BRME1: variants seen among roughly 807,000 people sequenced by gnomAD.
The protein encoded by BRME1 is break repair meiotic recombinase recruitment factor 1, also known as BRCA2 and MEILB2-associating protein 1.
Under a neutral mutation model 52.6 loss-of-function variants are expected in BRME1, and 31 were observed. That is an observed-to-expected ratio of 0.59 (90% confidence interval 0.44 to 0.80). The LOEUF (loss-of-function observed/expected upper bound fraction) is 0.80, where lower values mean the gene tolerates loss of function less well. Ranked by LOEUF, BRME1 falls within the 30% of genes least tolerant of loss-of-function variation. BRME1 has a pLI of 0.00. For missense variants in BRME1, 804 were observed against 860.3 expected (o/e 0.93, Z 0.82); for synonymous variants, 359 against 353.6 (o/e 1.02, Z -0.17).
At chr19:13,899,184 T>C (rs546675736) in intron 2 of BRME1, among the ~76,000 whole-genome samples, 1 of 149,804 alleles carries the variant, frequency 6.7e-6, no homozygotes, top group East Asian at 2.0e-4. Context: ...ACTCTCGCTC[T>C]GTTGCCCAGG....
At position 13,882,582 on chromosome 19, in the gene BRME1, GAC is replaced by G. The variant is rs1968707857; in HGVS notation, c.*218_*219del. The G allele has an allele frequency of 2.0e-5, 12 of 591,352 alleles. No homozygotes were observed. Among genetic ancestry groups the G allele is most frequent in the South Asian group, 9.2e-5 (4 of 43,690 alleles). The allele number at this position is 591,352 out of a possible 1,614,324, so 36.6% of individuals were successfully genotyped here. The stretch of plus-strand genomic sequence containing the variant: ...GCTTGAAGTCACTGGGGCTGTGGGA[GAC>G]ACAGTTTCCCTCCCTGAAGCCAAGG... On this transcript the variant is annotated 3_prime_UTR_variant, in exon 9 of 9. Transcript: ENST00000586783.
At position 13,883,242 on chromosome 19, in the gene BRME1, C is replaced by G. The variant is rs1428536836; in HGVS notation, c.1856+66G>C. The G allele has an allele frequency of 1.4e-6, 2 of 1,406,078 alleles. No homozygotes were observed. The highest frequency in any genetic ancestry group is 9.7e-7 in the Non-Finnish European group (1 of 1,032,788). 87.1% of individuals were successfully genotyped at this position (1,406,078 alleles called of 1,614,324 possible). A position where few individuals can be genotyped will look rare whatever the true frequency, so the allele number is the denominator to read the frequency against. ...AGGGGCTTCACACTTCAGTCCCTCC[C>G]TGCTCCTCTGAGTCCCCACTGGCCT... On this transcript the variant is annotated intron_variant, in intron 8 of 8. Coordinates refer to ENST00000586783, the MANE Select transcript of BRME1 (RefSeq NM_001345843.2). This position sits in a 1 kb window ranked among gnomAD's most constrained non-coding sequence, Gnocchi z 4.2.
At chr19:13,895,084 G>A (rs560242335) in intron 3 of BRME1, among the ~76,000 whole-genome samples, 1 of 152,056 alleles carries the variant, frequency 6.6e-6, no homozygotes, top group East Asian at 1.9e-4. Flanking sequence ...TTGCAGTGTT[G>A]GCCAGTCTTG....
At position 13,888,701 on chromosome 19, in the gene BRME1, T is replaced by C. The variant is rs1176239420; in HGVS notation, c.1668+487A>G. Among the ~76,000 whole-genome samples the C allele has an allele frequency of 6.6e-6, 1 of 152,148 alleles. No individual in the cohort carries two copies. Among genetic ancestry groups the C allele is most frequent in the Non-Finnish European group, 1.5e-5 (1 of 68,006 alleles). ...CTTATGTATGTTTGGAAAAGAATCA[T>C]ATCAGGACCCCCAGAGGACCCTAAG... On this transcript the variant is annotated intron_variant, in intron 6 of 8. Transcript: ENST00000586783. This position sits in a 1 kb window ranked among gnomAD's most constrained non-coding sequence, Gnocchi z 4.1.
intron 6 of BRME1, among the ~76,000 whole-genome samples, chr19:13,887,500 C>T (rs577151053): frequency 9.2e-5 from 14 of 152,260 alleles, no homozygotes; most frequent in African/African-American, 2.6e-4. Context: ...TTTGGCAGCC[C>T]GTTTAGGAGG....
rs567634280 is a variant in BRME1 at position 13,890,514 on chromosome 19, G to T, written c.394-52C>A. On this transcript the variant is annotated intron_variant, in intron 5 of 8. Transcript: ENST00000586783. The stretch of plus-strand genomic sequence containing the variant: ...GGGGCCTTTGATAACCAAGTTCTCC[G>T]AAGAGTTTTCTATTAGGTTGGTGTA... 5 of 1,426,760 alleles carry T rather than the reference G, an allele frequency of 3.5e-6. No homozygotes were observed. In the African/African-American group the frequency reaches 7.2e-5, roughly 21 times the overall value. The allele number at this position is 1,426,760 out of a possible 1,614,324, so 88.4% of individuals were successfully genotyped here.
rs374015468 is a variant in BRME1 at position 13,892,415 on chromosome 19, G to A, written c.393+371C>T. Among the ~76,000 whole-genome samples the A allele has an allele frequency of 2.6e-4, 39 of 152,022 alleles. No homozygotes were observed. The East Asian group carries it at 4.6e-3, about 18-fold the overall frequency. On this transcript the variant is annotated intron_variant, in intron 5 of 8. Transcript: ENST00000586783. ...AGGCTGGCCAACATGGTAAAACCCCGTCTCTACTAAAAATACAAAAATTAG... is the reference window on the plus strand; with the variant it reads ...AGGCTGGCCAACATGGTAAAACCCCATCTCTACTAAAAATACAAAAATTAG...
At position 13,892,870 on chromosome 19, in the gene BRME1, A is replaced by G. The variant is rs1194198023; in HGVS notation, c.309T>C (p.Val103=). Residue 103 remains valine, a synonymous_variant, in exon 5 of 9, where the codon GTT becomes GTC. Coordinates refer to ENST00000586783, the MANE Select transcript of BRME1 (RefSeq NM_001345843.2). The stretch of plus-strand genomic sequence containing the variant: ...TCTTCCTGGATTTTGCAAACTGGGG[A>G]ACAAACCTCCCGAATGAGTTCTGTA... ...PPSQNSFGRF[V]PQFAKSRKTV... is the part of the protein sequence containing the mutation. 1.2e-6 allele frequency: 2 copies of G among 1,613,872 alleles called. No individual in the cohort carries two copies.
chr19:13,893,186 G>A lies in BRME1; in HGVS notation c.244C>T (p.Leu82Phe), dbSNP rs1276541097. The change falls in exon 4 of 9, where the codon CTC becomes TTC. Residue 82 changes from leucine to phenylalanine, a missense_variant. Physicochemically the swap from Leu to Phe is conservative, Grantham distance 22 (BLOSUM62 0). Around this residue, in one of 3 missense-constraint regions of BRME1, gnomAD observed 234 missense variants for 258.1 expected, o/e 0.91. Transcript: ENST00000586783. ...GCTGGCTCCTTTTCTGGTTGACGGA[G>A]GAGCCGGCAGGGAGATCCTGTTTCC... ...DEETGSPCRLLRQPEKEPAPL... is the reference protein window; with the variant it reads ...DEETGSPCRLFRQPEKEPAPL... The A allele has an allele frequency of 1.3e-6, 2 of 1,590,590 alleles. No homozygotes were observed. The highest frequency in any genetic ancestry group is 4.5e-5 in the East Asian group (2 of 44,486).
At chr19:13,890,506 A>C (rs1258466281) in intron 5 of BRME1, 44 bp from the exon 6 acceptor site, 2 of 1,430,862 alleles carry the variant, frequency 1.4e-6, no homozygotes, top group Non-Finnish European at 1.8e-6. Flanking sequence ...TTGATAACCA[A>C]GTTCTCCGAA....
rs756987539 is a variant in BRME1, at chr19:13,882,897, G to A, written c.1912C>T (p.Arg638Trp). The A allele has an allele frequency of 1.8e-5, 29 of 1,614,020 alleles. No homozygotes were observed. The highest frequency in any genetic ancestry group is 1.8e-4 in the East Asian group (8 of 44,868). Residue 638 changes from arginine to tryptophan, a missense_variant, in exon 9 of 9, where the codon CGG becomes TGG. Arg to Trp is a moderately radical substitution (Grantham distance 101). Around this residue, in one of 3 missense-constraint regions of BRME1, gnomAD observed 552 missense variants for 561.1 expected, o/e 0.98. Transcript: ENST00000586783. The part of the protein sequence containing the change: ...DLEAFKRLNY[R>W]KTKLGGKAPL... The stretch of plus-strand genomic sequence containing the variant: ...GCTTTGCCTCCCAGCTTTGTCTTCC[G>A]GTAGTTAAGGCGCTTGAAAGCTTCC...
In BRME1 at chr19:13,883,982, C is replaced by T. The variant is rs562793576; in HGVS notation, c.1764-582G>A. On this transcript the variant is annotated intron_variant, in intron 7 of 8. Transcript: ENST00000586783. The surrounding 1 kb of genome is among the most constrained non-coding windows in gnomAD (Gnocchi z 4.2). ...TAATCTGCTGTCTCTCATGTCCCCA[C>T]ACCCCGAATCCCCCAGTAGCATTCA... Among the ~76,000 whole-genome samples, 2 of 152,234 alleles carry T rather than the reference C, an allele frequency of 1.3e-5. No individual in the cohort carries two copies. The highest frequency in any genetic ancestry group is 2.1e-4 in the South Asian group (1 of 4,822).
At chr19:13,886,566 G>A (rs940037408) in intron 6 of BRME1, among the ~76,000 whole-genome samples, 1 of 152,198 alleles carries the variant, frequency 6.6e-6, no homozygotes, top group African/African-American at 2.4e-5. Context: ...ACAGGGGAAA[G>A]CCTGGTAACT....
At chr19:13,890,799 G>A (rs920444098) in intron 5 of BRME1, among the ~76,000 whole-genome samples, 6 of 152,126 alleles carry the variant, frequency 3.9e-5, no homozygotes, top group African/African-American at 7.2e-5. Context: ...CCCGGGAGGC[G>A]GAGGTTGCAG....
At position 13,893,239 on chromosome 19, in the gene BRME1, T is replaced by C; in HGVS notation, c.207-16A>G. The C allele has an allele frequency of 6.4e-7, 1 of 1,567,062 alleles. No homozygotes were observed. Among genetic ancestry groups the C allele is most frequent in the Non-Finnish European group, 8.7e-7 (1 of 1,156,044 alleles). ...ATCAGGGGAGCTATGTAGGAAAAGA[T>C]AAAACTGAAGGAGATCTGCCCGGGT... On this transcript the variant is annotated splice_polypyrimidine_tract_variant and intron_variant, in intron 3 of 8. Transcript: ENST00000586783.
intron 2 of BRME1, among the ~76,000 whole-genome samples, chr19:13,904,612 T>G (rs908968992): frequency 3.3e-5 from 5 of 151,432 alleles, no homozygotes; most frequent in African/African-American, 1.2e-4. Flanking sequence ...TGGCTAATTT[T>G]TGTATTTTTA....
intron 2 of BRME1, among the ~76,000 whole-genome samples, chr19:13,904,508 C>T (rs896429428): frequency 2.0e-5 from 3 of 152,104 alleles, no homozygotes; most frequent in African/African-American, 7.2e-5. Flanking sequence ...GTGGCACCAT[C>T]TTGGCTCACT....
At chr19:13,892,719 G>A (rs1757751939) in intron 5 of BRME1, 67 bp downstream of exon 5, 6 of 1,319,628 alleles carry the variant, frequency 4.5e-6, no homozygotes, top group Non-Finnish European at 1.1e-6. Flanking sequence ...GTTAAATGGG[G>A]CTGCCGAGGC....
At position 13,883,853 on chromosome 19, in the gene BRME1, T is replaced by C. The variant is rs1396816914; in HGVS notation, c.1764-453A>G. Among the ~76,000 whole-genome samples the C allele has an allele frequency of 7.0e-6, 1 of 141,926 alleles. No individual in the cohort carries two copies. The highest frequency in any genetic ancestry group is 3.0e-5 in the African/African-American group (1 of 32,994). 93.1% of individuals were successfully genotyped at this position (141,926 alleles called of 152,430 possible). A position where few individuals can be genotyped will look rare whatever the true frequency, so the allele number is the denominator to read the frequency against. ...CACCTCTCAGGATTCTGGAATGTTC[T>C]TTCCCAAATGTCTCCTCCTGGTGGT... On this transcript the variant is annotated intron_variant, in intron 7 of 8. Coordinates refer to ENST00000586783, the MANE Select transcript of BRME1 (RefSeq NM_001345843.2). This position sits in a 1 kb window ranked among gnomAD's most constrained non-coding sequence, Gnocchi z 4.2.
Sources: gnomAD v4.1 joint callset for allele counts (sites outside exome capture counted in the v4.1 genomes callset) on GRCh38, gnomAD v4.1.1 for gene constraint, gnomAD v4.1.1 regional missense constraint, Gnocchi (gnomAD v3.1) non-coding constraint, MANE v1.5 for transcripts, NCBI Gene and HGNC (gene_info 2026-07-23, HGNC 2026-07-21) for gene names.